Variants in PRIM2 observed in about 807,000 individuals in gnomAD.
The protein encoded by PRIM2 is DNA primase large subunit.
In PRIM2, 39 loss-of-function variants were observed where a neutral mutation model predicts 67.3. The observed-to-expected ratio is 0.58, with a 90% confidence interval of 0.45 to 0.76. PRIM2 has a LOEUF of 0.76. Among genes scored for constraint, PRIM2 ranks in the 30% least tolerant of loss-of-function variants. The probability of loss-of-function intolerance (pLI) is 0.00; values close to 1 mark genes in which losing one functional copy is unlikely to be tolerated. For synonymous variants in PRIM2, 143 were observed against 198.7 expected (o/e 0.72, Z 2.36); for missense variants, 398 against 598.7 (o/e 0.66, Z 3.50).
At chr6:57,537,722 T>C (rs1775029946) in intron 10 of PRIM2, 97 bp downstream of exon 10, 2 of 654,078 alleles carry the variant, frequency 3.1e-6, no homozygotes, top group Non-Finnish European at 2.2e-6. Flanking sequence ...CTCCCTGCAA[T>C]GTAGTTGAAA....
intron 12 of PRIM2, among the ~76,000 whole-genome samples, chr6:57,608,279 ATTTCT>A (rs1776597015): frequency 6.6e-6 from 1 of 152,128 alleles, no homozygotes; most frequent in Non-Finnish European, 1.5e-5. Context: ...TGTAGCAGAG[ATTTCT>A]TTTCATGGAG....
At chr6:57,386,567 G>C (rs1346189985) in intron 7 of PRIM2, among the ~76,000 whole-genome samples, 1 of 151,484 alleles carries the variant, frequency 6.6e-6, no homozygotes, top group Non-Finnish European at 1.5e-5. Flanking sequence ...GTGGTTCAGG[G>C]CCGAGCCTGG....
At chr6:57,276,422 A>G in the PRIM2 span, among the ~76,000 whole-genome samples, 3 of 146,944 alleles carry the variant, frequency 2.0e-5, no homozygotes, top group African/African-American at 7.6e-5. Context: ...ACAAAAGTTA[A>G]AAATTATAAA....
chr6:57,334,072 C>A (rs1768141680), intron 5 of PRIM2, among the ~76,000 whole-genome samples: 1 of 152,174 alleles, frequency 6.6e-6, no homozygotes, highest in Admixed American at 6.5e-5. Flanking sequence ...TCCTCCCTAA[C>A]CACCCCAGCT....
the PRIM2 span, among the ~76,000 whole-genome samples, chr6:57,238,759 A>G: frequency 6.6e-6 from 1 of 152,212 alleles, no homozygotes. Flanking sequence ...CCTTCAAAAA[A>G]TCAATGAATC....
chr6:57,280,083 A>G, the PRIM2 span, among the ~76,000 whole-genome samples: 2 of 152,220 alleles, frequency 1.3e-5, no homozygotes, highest in Non-Finnish European at 2.9e-5. Flanking sequence ...GACACCCTCA[A>G]CAGTCCTTAG....
chr6:57,503,633 T>C (rs1774190258), intron 7 of PRIM2, among the ~76,000 whole-genome samples: 1 of 151,910 alleles, frequency 6.6e-6, no homozygotes, highest in African/African-American at 2.4e-5. Context: ...CCTGTAATCC[T>C]AGCTACTCAG....
chr6:57,586,958 GC>G (rs1210622285), intron 10 of PRIM2: 2 of 152,182 alleles, frequency 1.3e-5, no homozygotes, highest in African/African-American at 4.8e-5. Context: ...TCCTACAATA[GC>G]CCACAAGATC....
intron 5 of PRIM2, among the ~76,000 whole-genome samples, chr6:57,348,530 A>G (rs547170435): frequency 1.4e-3 from 213 of 152,196 alleles, no homozygotes; most frequent in Non-Finnish European, 2.5e-3. Flanking sequence ...AGCCTTTCAC[A>G]AGGATGGCTT....
intron 13 of PRIM2, among the ~76,000 whole-genome samples, chr6:57,635,425 A>G (rs1290341295): frequency 6.6e-6 from 1 of 152,208 alleles, no homozygotes; most frequent in African/African-American, 2.4e-5. Context: ...TTTAGGGTCA[A>G]TGTTTAAAAT....
chr6:57,254,303 A>G, the PRIM2 span, among the ~76,000 whole-genome samples: 1 of 152,306 alleles, frequency 6.6e-6, no homozygotes, highest in Non-Finnish European at 1.5e-5. Flanking sequence ...CGCCACATAT[A>G]TACACTTTTG....
intron 7 of PRIM2, among the ~76,000 whole-genome samples, chr6:57,441,442 C>T (rs1772203094): frequency 6.6e-6 from 1 of 151,930 alleles, no homozygotes; most frequent in Non-Finnish European, 1.5e-5. Flanking sequence ...CTAAGGGAGG[C>T]AATAGCAAGT....
chr6:57,409,411 G>A (rs1275333246), intron 7 of PRIM2, among the ~76,000 whole-genome samples: 1 of 152,106 alleles, frequency 6.6e-6, no homozygotes, highest in Non-Finnish European at 1.5e-5. Context: ...TCCTGACCTC[G>A]TGATCGCCCT....
chr6:57,291,683 T>G, the PRIM2 span, among the ~76,000 whole-genome samples: 1 of 152,196 alleles, frequency 6.6e-6, no homozygotes, highest in Non-Finnish European at 1.5e-5. Flanking sequence ...GATGCAAGGC[T>G]GGTTCAACAT....
intron 7 of PRIM2, among the ~76,000 whole-genome samples, chr6:57,445,330 G>A (rs1015489290): frequency 2.0e-5 from 3 of 152,164 alleles, no homozygotes; most frequent in Admixed American, 6.5e-5. Flanking sequence ...ATATGAGTAC[G>A]TAACAAAATC....
At chr6:57,466,845 C>A (rs1183016946) in intron 7 of PRIM2, among the ~76,000 whole-genome samples, 1 of 152,092 alleles carries the variant, frequency 6.6e-6, no homozygotes, top group African/African-American at 2.4e-5. Flanking sequence ...GTTGGCTGGG[C>A]GCAGTGGCTC....
chr6:57,358,430 A>G (rs1385438782), intron 5 of PRIM2, among the ~76,000 whole-genome samples: 1 of 152,218 alleles, frequency 6.6e-6, no homozygotes, highest in Non-Finnish European at 1.5e-5. Flanking sequence ...TGTGTGGTGT[A>G]TCTCTAAAGT....
upstream of PRIM2, among the ~76,000 whole-genome samples, chr6:57,311,714 G>C (rs901907267): frequency 1.3e-5 from 2 of 152,074 alleles, no homozygotes; most frequent in African/African-American, 4.8e-5. Context: ...CCGAGATCAA[G>C]CCACTGCACT....
intron 7 of PRIM2, among the ~76,000 whole-genome samples, chr6:57,442,154 TC>T (rs1772221006): frequency 6.6e-6 from 1 of 151,900 alleles, no homozygotes; most frequent in Admixed American, 6.6e-5. Flanking sequence ...AACAACTTCT[TC>T]CTTTTTCTCC....
Sources: gnomAD v4.1 joint callset for allele counts (sites outside exome capture counted in the v4.1 genomes callset) on GRCh38, gnomAD v4.1.1 for gene constraint, MANE v1.5 for transcripts, NCBI Gene and HGNC (gene_info 2026-07-23, HGNC 2026-07-21) for gene names.